R3HCC1L: variants seen among roughly 807,000 people sequenced by gnomAD.
R3HCC1L encodes the protein R3H domain and coiled-coil containing 1 like.
R3HCC1L carries 51 observed loss-of-function variants against 59.9 expected under a neutral mutation model. That is an observed-to-expected ratio of 0.85 (90% CI 0.68 to 1.07). R3HCC1L has a LOEUF of 1.07. Among genes scored for constraint, R3HCC1L ranks in the 50% least tolerant of loss-of-function variants. The pLI is 0.00. For missense variants in R3HCC1L, 965 were observed against 933.0 expected (o/e 1.03, Z -0.45); for synonymous variants, 322 against 315.2 (o/e 1.02, Z -0.23).
intron 4 of R3HCC1L, among the ~76,000 whole-genome samples, chr10:98,177,538 A>G (rs1437168855): frequency 2.6e-5 from 4 of 152,228 alleles, no homozygotes; most frequent in African/African-American, 4.8e-5. Context: ...TCCTTTGGGT[A>G]TATTCCCAGG....
chr10:98,203,684 T>A (rs1852294098), intron 4 of R3HCC1L, among the ~76,000 whole-genome samples: 1 of 152,210 alleles, frequency 6.6e-6, no homozygotes, highest in Non-Finnish European at 1.5e-5. Context: ...AAAGCGTTGA[T>A]GTTCTGTTGT....
At chr10:98,187,505 A>G (rs1850337852) in intron 4 of R3HCC1L, among the ~76,000 whole-genome samples, 1 of 152,276 alleles carries the variant, frequency 6.6e-6, no homozygotes. Flanking sequence ...AATACAGAGT[A>G]TCAATTCTTT....
chr10:98,196,079 C>T (rs1278159667), intron 4 of R3HCC1L, among the ~76,000 whole-genome samples: 1 of 152,120 alleles, frequency 6.6e-6, no homozygotes, highest in East Asian at 1.9e-4. Flanking sequence ...TAGAGGAGTG[C>T]AAAATATTAT....
At chr10:98,172,109 A>G (rs1403908256) in intron 4 of R3HCC1L, among the ~76,000 whole-genome samples, 1 of 152,322 alleles carries the variant, frequency 6.6e-6, no homozygotes, top group East Asian at 1.9e-4. Flanking sequence ...CTAAGGCTCT[A>G]CACATGTTTG....
chr10:98,163,108 C>T (rs752678558), intron 3 of R3HCC1L, 133 bp downstream of exon 3: 3 of 262,750 alleles, frequency 1.1e-5, no homozygotes, highest in African/African-American at 4.4e-5. Flanking sequence ...TTCCTTATTC[C>T]ATTTGGTTGA....
chr10:98,244,411 T>G lies in R3HCC1L; in HGVS notation c.*253T>G, dbSNP rs1001520518. 3 of 367,718 alleles carry G rather than the reference T, an allele frequency of 8.2e-6. No individual in the cohort carries two copies. Among genetic ancestry groups the G allele is most frequent in the African/African-American group, 6.2e-5 (3 of 48,770 alleles). The allele number at this position is 367,718 out of a possible 1,614,324, so 22.8% of individuals were successfully genotyped here. On this transcript the variant is annotated 3_prime_UTR_variant, in exon 10 of 10. Transcript: ENST00000298999. ...CAGCTAGGAAGAAACGTGGGAGATGTGAATTCCAAGAGTTGCCTGGACAGG... is the reference window on the plus strand; with the variant it reads ...CAGCTAGGAAGAAACGTGGGAGATGGGAATTCCAAGAGTTGCCTGGACAGG...
chr10:98,144,494 G>C (rs1359417783), intron 1 of R3HCC1L, among the ~76,000 whole-genome samples: 1 of 152,134 alleles, frequency 6.6e-6, no homozygotes, highest in African/African-American at 2.4e-5. Context: ...GATTATAGGC[G>C]TGAGCCACCG....
At chr10:98,231,899 A>G (rs1028714730) in intron 6 of R3HCC1L, among the ~76,000 whole-genome samples, 1 of 152,170 alleles carries the variant, frequency 6.6e-6, no homozygotes, top group African/African-American at 2.4e-5. Context: ...TCTAGCCCCC[A>G]TTTTAGCATT....
chr10:98,185,339 A>G (rs1438449505), intron 4 of R3HCC1L, among the ~76,000 whole-genome samples: 2 of 152,180 alleles, frequency 1.3e-5, no homozygotes, highest in Non-Finnish European at 2.9e-5. Context: ...ATATAGTTTA[A>G]TGGGGAAGAC....
At chr10:98,227,457 C>T (rs1487569432) in intron 5 of R3HCC1L, among the ~76,000 whole-genome samples, 1 of 151,818 alleles carries the variant, frequency 6.6e-6, no homozygotes. Flanking sequence ...AAAAGAGACA[C>T]AGTATTAAAA....
At chr10:98,215,083 G>C (rs1244874794) in intron 5 of R3HCC1L, among the ~76,000 whole-genome samples, 2 of 152,122 alleles carry the variant, frequency 1.3e-5, no homozygotes, top group African/African-American at 2.4e-5. Flanking sequence ...TTAAGCCTTT[G>C]TCTCTACCTG....
chr10:98,217,811 T>G (rs1854386966), intron 5 of R3HCC1L, among the ~76,000 whole-genome samples: 1 of 152,178 alleles, frequency 6.6e-6, no homozygotes, highest in Non-Finnish European at 1.5e-5. Flanking sequence ...TCTTGATTTT[T>G]TTTTTCAACT....
At chr10:98,237,143 T>C (rs1342114013) in intron 9 of R3HCC1L, among the ~76,000 whole-genome samples, 1 of 152,116 alleles carries the variant, frequency 6.6e-6, no homozygotes, top group African/African-American at 2.4e-5. Context: ...AGTTTCAGAG[T>C]TGAACCCAAC....
At chr10:98,234,996 G>A (rs1856767264) in intron 7 of R3HCC1L, among the ~76,000 whole-genome samples, 1 of 152,072 alleles carries the variant, frequency 6.6e-6, no homozygotes, top group Admixed American at 6.6e-5. Context: ...ATATTGAAAC[G>A]TTAGTTCCTA....
chr10:98,169,957 A>G (rs1848355910), intron 4 of R3HCC1L, among the ~76,000 whole-genome samples: 1 of 150,984 alleles, frequency 6.6e-6, no homozygotes, highest in Non-Finnish European at 1.5e-5. Flanking sequence ...TGTGCCAAGA[A>G]TAGTCACAGT....
At chr10:98,204,765 T>A (rs554074178) in intron 4 of R3HCC1L, among the ~76,000 whole-genome samples, 1 of 152,288 alleles carries the variant, frequency 6.6e-6, no homozygotes, top group East Asian at 1.9e-4. Context: ...CTTGTTCTGT[T>A]TTATTAGTTA....
chr10:98,146,240 T>TG (rs1425049620), intron 1 of R3HCC1L, among the ~76,000 whole-genome samples: 9 of 152,204 alleles, frequency 5.9e-5, no homozygotes, highest in South Asian at 2.1e-4. Flanking sequence ...ATTTTTTTGG[T>TG]GGGGGGGACA....
chr10:98,140,681 A>G (rs1312885891), intron 1 of R3HCC1L, among the ~76,000 whole-genome samples: 1 of 152,210 alleles, frequency 6.6e-6, no homozygotes, highest in Non-Finnish European at 1.5e-5. Context: ...ATAGTTGGCT[A>G]GGAAAGGGAA....
intron 5 of R3HCC1L, among the ~76,000 whole-genome samples, chr10:98,214,215 G>A (rs1853907902): frequency 6.6e-6 from 1 of 152,108 alleles, no homozygotes; most frequent in Admixed American, 6.5e-5. Context: ...ACAGTTCTGG[G>A]CCTGTATTGT....
Sources: gnomAD v4.1 joint callset for allele counts (sites outside exome capture counted in the v4.1 genomes callset) on GRCh38, gnomAD v4.1.1 for gene constraint, MANE v1.5 for transcripts, NCBI Gene and HGNC (gene_info 2026-07-23, HGNC 2026-07-21) for gene names.